The following UGT1A4 variants were observed in gnomAD, a reference collection of about 807,000 sequenced individuals.
UGT1A4 encodes the protein UDP-glucuronosyltransferase 1A4.
A neutral mutation model predicts 41.1 loss-of-function variants in UGT1A4; 32 were observed. The ratio of observed to expected loss-of-function variants is 0.78; its 90% CI spans 0.59 to 1.05. UGT1A4 has a LOEUF of 1.05. Among genes scored for constraint, UGT1A4 ranks in the 50% least tolerant of loss-of-function variants. The pLI, the probability that UGT1A4 is intolerant of heterozygous loss-of-function variation, is 0.00. For missense variants in UGT1A4, 748 were observed against 677.4 expected, an observed-to-expected ratio of 1.10 and a Z score of -1.16; for synonymous variants, 283 against 265.1, an observed-to-expected ratio of 1.07 and a Z score of -0.66.
intron 1 of UGT1A4, among the ~76,000 whole-genome samples, chr2:233,740,045 T>C (rs374549434): frequency 3.3e-5 from 5 of 151,842 alleles, no homozygotes; most frequent in African/African-American, 1.2e-4. Context: ...AGGGACTCTT[T>C]CTCCTTTACT....
chr2:233,729,149 C>T, intron 1 of UGT1A4: 2 of 1,613,488 alleles, frequency 1.2e-6, no homozygotes, highest in Non-Finnish European at 1.7e-6. Flanking sequence ...CTCCAGGTTC[C>T]CCTGCCGTGG....
rs1322563155 is a variant in UGT1A4, at chr2:233,719,370, G to A, written c.550G>A (p.Gly184Ser). ...RYIPCDLDFK[G>S]TQCPNPSSYI... ...CATTCCATGTGACTTAGACTTTAAG[G>A]GCACACAGTGTCCAAATCCTTCCTC... The change falls in exon 1 of 5, where the codon GGC becomes AGC. Residue 184 changes from glycine to serine, a missense_variant. Coordinates refer to ENST00000373409, the MANE Select transcript of UGT1A4 (RefSeq NM_007120.3). 3.1e-6 allele frequency: 5 copies of A among 1,613,830 alleles called. No individual in the cohort carries two copies. Among genetic ancestry groups the A allele is most frequent in the Non-Finnish European group, 3.4e-6 (4 of 1,179,844 alleles).
chr2:233,752,600 T>C (rs1023436245), intron 1 of UGT1A4: 2 of 152,076 alleles, frequency 1.3e-5, no homozygotes, highest in African/African-American at 4.8e-5. Flanking sequence ...AGATTTTTTT[T>C]AAAAAAACAT....
chr2:233,760,801 T>G (rs1365770885), intron 1 of UGT1A4: 2 of 1,613,398 alleles, frequency 1.2e-6, no homozygotes, highest in South Asian at 1.1e-5. Context: ...TGTATTCTTC[T>G]TGCATGCACT....
At chr2:233,731,855 G>A (rs1025455629) in intron 1 of UGT1A4, among the ~76,000 whole-genome samples, 3 of 152,256 alleles carry the variant, frequency 2.0e-5, no homozygotes, top group African/African-American at 2.4e-5. Flanking sequence ...TTGAGGAATC[G>A]CCACACTGTC....
intron 1 of UGT1A4, among the ~76,000 whole-genome samples, chr2:233,738,050 G>C (rs1314850811): frequency 6.6e-6 from 1 of 152,082 alleles, no homozygotes; most frequent in Non-Finnish European, 1.5e-5. Flanking sequence ...TTGAGGACAG[G>C]ACATGGTGGG....
At chr2:233,761,125 T>C (rs754213125) in intron 1 of UGT1A4, 1 of 1,614,252 alleles carries the variant, frequency 6.2e-7, no homozygotes, top group Non-Finnish European at 8.5e-7. Context: ...TGGAATCAAC[T>C]GCCTTCACCA....
At chr2:233,729,013 C>A in intron 1 of UGT1A4, 1 of 1,586,512 alleles carries the variant, frequency 6.3e-7, no homozygotes, top group Non-Finnish European at 8.6e-7. Context: ...CTCTGTCTTC[C>A]AATTACACGT....
intron 1 of UGT1A4, among the ~76,000 whole-genome samples, chr2:233,741,104 C>CA (rs1259061877): frequency 6.6e-6 from 1 of 151,798 alleles, no homozygotes; most frequent in South Asian, 2.1e-4. Context: ...AACAGACAAT[C>CA]AAGCTTTACA....
At chr2:233,737,783 T>C (rs2125810890) in intron 1 of UGT1A4, among the ~76,000 whole-genome samples, 1 of 152,286 alleles carries the variant, frequency 6.6e-6, no homozygotes, top group Non-Finnish European at 1.5e-5. Context: ...GTTAACTACA[T>C]TGGCTCAAAT....
In UGT1A4 at chr2:233,769,425, C is replaced by T; in HGVS notation, c.1307+986C>T. ...TGTGCGTGTGCGTTTGTGCATGTGGCTGTGCTCATGTGTGGGTGCACACGT... is the reference window on the plus strand; with the variant it reads ...TGTGCGTGTGCGTTTGTGCATGTGGTTGTGCTCATGTGTGGGTGCACACGT... On this transcript the variant is annotated intron_variant, in intron 4 of 4. Transcript: ENST00000373409. The surrounding 1 kb of genome is among the most constrained non-coding windows in gnomAD (Gnocchi z 4.4). The T allele has an allele frequency of 6.7e-7, 1 of 1,487,732 alleles. No homozygotes were observed. Among genetic ancestry groups the T allele is most frequent in the Non-Finnish European group, 9.3e-7 (1 of 1,075,832 alleles). 92.2% of individuals were successfully genotyped at this position (1,487,732 alleles called of 1,614,324 possible). A position where few individuals can be genotyped will look rare whatever the true frequency, so the allele number is the denominator to read the frequency against.
chr2:233,745,429 A>G (rs1003194784), intron 1 of UGT1A4, among the ~76,000 whole-genome samples: 4 of 151,698 alleles, frequency 2.6e-5, no homozygotes, highest in African/African-American at 4.9e-5. Flanking sequence ...ATAAATTGTG[A>G]GGCAATACAC....
intron 1 of UGT1A4, chr2:233,755,113 A>G (rs1695768898): frequency 4.5e-6 from 6 of 1,332,422 alleles, no homozygotes; most frequent in Non-Finnish European, 6.1e-6. Flanking sequence ...AACACCTCGT[A>G]GGCCTCAGCC....
chr2:233,765,261 T>C (rs1002454529), intron 1 of UGT1A4, among the ~76,000 whole-genome samples: 2 of 152,188 alleles, frequency 1.3e-5, no homozygotes, highest in Admixed American at 1.3e-4. Flanking sequence ...ACTGGGTATA[T>C]ACCCAAAGAA....
chr2:233,769,382 A>G lies in UGT1A4; in HGVS notation c.1307+943A>G. 1 of 1,021,984 alleles carries G rather than the reference A, an allele frequency of 9.8e-7. No individual in the cohort carries two copies. The highest frequency in any genetic ancestry group is 1.6e-5 in the South Asian group (1 of 63,370). 63.3% of individuals were successfully genotyped at this position (1,021,984 alleles called of 1,614,324 possible). On this transcript the variant is annotated intron_variant, in intron 4 of 4. Transcript: ENST00000373409. This position sits in a 1 kb window ranked among gnomAD's most constrained non-coding sequence, Gnocchi z 4.4. ...GGCCAGTGGTAGATTTCATCCGACAATAGATACTGTGTGCATATGTGCGTG... is the reference window on the plus strand; with the variant it reads ...GGCCAGTGGTAGATTTCATCCGACAGTAGATACTGTGTGCATATGTGCGTG...
intron 1 of UGT1A4, among the ~76,000 whole-genome samples, chr2:233,734,813 G>C (rs1170913968): frequency 6.6e-6 from 1 of 152,218 alleles, no homozygotes; most frequent in Non-Finnish European, 1.5e-5. Flanking sequence ...TTTCCATGTA[G>C]TTGTGCGATT....
chr2:233,733,436 G>A (rs2078397447), intron 1 of UGT1A4, among the ~76,000 whole-genome samples: 1 of 152,134 alleles, frequency 6.6e-6, no homozygotes, highest in South Asian at 2.1e-4. Context: ...TATGATATTG[G>A]CTGCGGGTTT....
chr2:233,719,837 G>A, intron 1 of UGT1A4, 150 bp downstream of exon 1: 1 of 1,534,622 alleles, frequency 6.5e-7, no homozygotes, highest in South Asian at 1.2e-5. Flanking sequence ...GGGGCCTAGT[G>A]TATTTCAAGT....
In UGT1A4 at chr2:233,769,625, A is replaced by G; in HGVS notation, c.1307+1186A>G. 1 of 1,612,274 alleles carries G rather than the reference A, an allele frequency of 6.2e-7. No homozygotes were observed. Among genetic ancestry groups the G allele is most frequent in the African/African-American group, 1.3e-5 (1 of 75,020 alleles). On this transcript the variant is annotated intron_variant, in intron 4 of 4. Coordinates refer to ENST00000373409, the MANE Select transcript of UGT1A4 (RefSeq NM_007120.3). The surrounding 1 kb of genome is among the most constrained non-coding windows in gnomAD (Gnocchi z 4.4). ...GGGGACACACCAGCTTGAGCAAGGGACAACAGGGGAGGACTGATGACTGAC... is the reference window on the plus strand; with the variant it reads ...GGGGACACACCAGCTTGAGCAAGGGGCAACAGGGGAGGACTGATGACTGAC...
Sources: gnomAD v4.1 joint callset for allele counts (sites outside exome capture counted in the v4.1 genomes callset) on GRCh38, gnomAD v4.1.1 for gene constraint, Gnocchi (gnomAD v3.1) non-coding constraint, MANE v1.5 for transcripts, NCBI Gene and HGNC (gene_info 2026-07-23, HGNC 2026-07-21) for gene names.